Variants in BNC2 observed in about 807,000 individuals in gnomAD.
BNC2 encodes basonuclin zinc finger protein 2.
In BNC2, 20 loss-of-function variants were observed where a neutral mutation model predicts 76.3. The observed-to-expected ratio is 0.26, with a 90% CI of 0.18 to 0.38. The LOEUF is 0.38. Ranked by LOEUF, BNC2 falls within the 10% of genes least tolerant of loss-of-function variation. The pLI is 1.00. For missense variants in BNC2, 1,382 were observed against 1,399.8 expected (o/e 0.99, Z 0.20); for synonymous variants, 582 against 514.8 (o/e 1.13, Z -1.77).
At position 16,803,810 on chromosome 9, in the gene BNC2, C is replaced by T. The variant is rs191051369; in HGVS notation, c.4-65325G>A. 8.8e-4 allele frequency among the ~76,000 whole-genome samples: 134 copies of T among 152,326 alleles called. 2 individuals are homozygous for T. Among genetic ancestry groups the T allele is most frequent in the Non-Finnish European group, 2.9e-4 (20 of 68,030 alleles). Reference sequence around the variant, plus strand: ...CTGGCACTCGAGTGGGCAAACTGCTCTTTGCAAATGTCATGTGTCCGCTTA... The same window carrying T: ...CTGGCACTCGAGTGGGCAAACTGCTTTTTGCAAATGTCATGTGTCCGCTTA... On this transcript the variant is annotated intron_variant, in intron 1 of 6. Transcript: ENST00000380672.
intron 6 of BNC2, among the ~76,000 whole-genome samples, chr9:16,425,838 G>A (rs1202645119): frequency 6.6e-6 from 1 of 152,206 alleles, no homozygotes. Context: ...ATGTAGTGAT[G>A]GCATTTGGGA....
At chr9:16,832,614 C>T (rs1035500767) in intron 1 of BNC2, among the ~76,000 whole-genome samples, 2 of 152,196 alleles carry the variant, frequency 1.3e-5, no homozygotes, top group African/African-American at 4.8e-5. Context: ...ACAAAACATA[C>T]AGCACGTTAA....
intron 1 of BNC2, among the ~76,000 whole-genome samples, chr9:16,847,639 G>C (rs150948011): frequency 6.6e-6 from 1 of 151,988 alleles, no homozygotes; most frequent in Non-Finnish European, 1.5e-5. Flanking sequence ...AAGCTTGTCC[G>C]AGATATATCA....
intron 6 of BNC2, among the ~76,000 whole-genome samples, chr9:16,424,194 C>T (rs1012850058): frequency 4.0e-5 from 6 of 148,742 alleles, no homozygotes; most frequent in African/African-American, 1.5e-4. Context: ...AAACTAAAAA[C>T]AAAAACACTA....
At position 16,727,783 on chromosome 9, in the gene BNC2, A is replaced by T; in HGVS notation, c.330+14T>A. ...AAAAAAAGAAAAAAAAAATCAAGAA[A>T]GAAAGTAACTTACCTGTTGGGACAT... On this transcript the variant is annotated intron_variant, in intron 3 of 6. Transcript: ENST00000380672. 1 of 1,599,848 alleles carries T rather than the reference A, an allele frequency of 6.3e-7. No homozygotes were observed. Among genetic ancestry groups the T allele is most frequent in the Non-Finnish European group, 8.5e-7 (1 of 1,175,162 alleles).
rs1050741642 is a variant in BNC2, at chr9:16,412,972, CAG to C, written c.*6015_*6016del. 37 of 152,650 alleles carry C rather than the reference CAG, an allele frequency of 2.4e-4. No individual in the cohort carries two copies. Among genetic ancestry groups the C allele is most frequent in the African/African-American group, 8.4e-4 (35 of 41,428 alleles). 9.5% of individuals were successfully genotyped at this position (152,650 alleles called of 1,614,324 possible). A position where few individuals can be genotyped will look rare whatever the true frequency, so the allele number is the denominator to read the frequency against. On this transcript the variant is annotated 3_prime_UTR_variant, in exon 7 of 7. Coordinates refer to ENST00000380672, the MANE Select transcript of BNC2 (RefSeq NM_017637.6). The stretch of plus-strand genomic sequence containing the variant: ...AGTAGCCAGGAGAGCTGGGCTGAAG[CAG>C]AGAGGGTGTTGTCTGCTGTTAGTGT...
intron 3 of BNC2, among the ~76,000 whole-genome samples, chr9:16,666,730 G>A (rs757635967): frequency 1.3e-5 from 2 of 152,054 alleles, no homozygotes; most frequent in Admixed American, 6.6e-5. Context: ...CTGTTTTGCC[G>A]CCCATCTGAA....
chr9:16,643,204 G>A (rs922493597), intron 3 of BNC2, among the ~76,000 whole-genome samples: 1 of 151,808 alleles, frequency 6.6e-6, no homozygotes, highest in African/African-American at 2.4e-5. Context: ...TACTCGGGAG[G>A]CTGAGGCAGG....
chr9:16,502,988 G>A (rs1488036542), intron 5 of BNC2, among the ~76,000 whole-genome samples: 4 of 152,046 alleles, frequency 2.6e-5, no homozygotes, highest in African/African-American at 7.2e-5. Flanking sequence ...CAATGAAAGC[G>A]TACCAAGACT....
intron 3 of BNC2, among the ~76,000 whole-genome samples, chr9:16,698,539 A>G (rs1823407547): frequency 6.6e-6 from 1 of 152,106 alleles, no homozygotes; most frequent in Non-Finnish European, 1.5e-5. Context: ...AAAAGTACAA[A>G]AAAATTAGCT....
chr9:16,579,511 G>C (rs998323896), intron 4 of BNC2, among the ~76,000 whole-genome samples: 2 of 152,078 alleles, frequency 1.3e-5, no homozygotes, highest in African/African-American at 4.8e-5. Flanking sequence ...TTGAACTCCT[G>C]GGCTCAAGCG....
At chr9:16,758,961 T>C (rs188745768) in intron 1 of BNC2, among the ~76,000 whole-genome samples, 171 of 152,348 alleles carry the variant, frequency 1.1e-3, no homozygotes, top group African/African-American at 4.0e-3. Context: ...AAAAGTATTC[T>C]ACGGTCAAAG....
At chr9:16,693,379 T>C (rs1053518805) in intron 3 of BNC2, among the ~76,000 whole-genome samples, 3 of 152,054 alleles carry the variant, frequency 2.0e-5, no homozygotes, top group Admixed American at 6.5e-5. Flanking sequence ...ACAAGACCAA[T>C]AGTCTCGGTC....
chr9:16,493,105 C>G (rs1822311686), intron 5 of BNC2, among the ~76,000 whole-genome samples: 2 of 152,098 alleles, frequency 1.3e-5, no homozygotes, highest in Non-Finnish European at 2.9e-5. Flanking sequence ...GATTAAGCCA[C>G]TTTGTTTTCA....
chr9:16,660,670 A>T (rs998551945), intron 3 of BNC2, among the ~76,000 whole-genome samples: 4 of 152,130 alleles, frequency 2.6e-5, no homozygotes, highest in Non-Finnish European at 5.9e-5. Flanking sequence ...AGCCAATATG[A>T]CTGCTATACA....
intron 3 of BNC2, among the ~76,000 whole-genome samples, chr9:16,698,297 T>A (rs1298815278): frequency 6.8e-6 from 1 of 146,856 alleles, no homozygotes; most frequent in East Asian, 2.0e-4. Context: ...AGCAAGGATG[T>A]TCATATTTAA....
chr9:16,812,519 T>C (rs1217973789), intron 1 of BNC2, among the ~76,000 whole-genome samples: 1 of 152,206 alleles, frequency 6.6e-6, no homozygotes, highest in East Asian at 1.9e-4. Flanking sequence ...TGTCACCTCG[T>C]GTCATTACCA....
chr9:16,867,274 T>C (rs918517179), intron 1 of BNC2: 10 of 152,144 alleles, frequency 6.6e-5, no homozygotes, highest in African/African-American at 1.9e-4. Context: ...AAAACAAAGA[T>C]GCTAATAGTA....
Position 16,436,412 on chromosome 9 carries a change from G to T in BNC2, c.1782C>A (p.Ile594=), listed in dbSNP as rs1485432703. The change falls in exon 6 of 7, where the codon ATC becomes ATA. Residue 594 remains isoleucine, a synonymous_variant. Transcript: ENST00000380672. ...GCTCTATGGTACCACTGGTTGGAAT[G>T]ATGGGACTGGTTGGGAGGGAGGTTG... ...SPPTSLPTSP[I]IPTSGTIEQH... 6.2e-7 allele frequency: 1 copy of T among 1,614,160 alleles called. No homozygotes were observed. Among genetic ancestry groups the T allele is most frequent in the Non-Finnish European group, 8.5e-7 (1 of 1,180,040 alleles).
Sources: gnomAD v4.1 joint callset for allele counts (sites outside exome capture counted in the v4.1 genomes callset) on GRCh38, gnomAD v4.1.1 for gene constraint, MANE v1.5 for transcripts, NCBI Gene and HGNC (gene_info 2026-07-23, HGNC 2026-07-21) for gene names.